Variants in TXLNA observed in about 807,000 individuals in gnomAD.
TXLNA encodes alpha-taxilin.
TXLNA carries 9 observed loss-of-function variants against 61.4 expected under a neutral mutation model. The observed-to-expected ratio is 0.15, with a 90% CI of 0.09 to 0.26. TXLNA has a LOEUF of 0.26. Ranked by LOEUF, TXLNA falls within the 10% of genes least tolerant of loss-of-function variation. The probability of loss-of-function intolerance (pLI) is 1.00; values close to 1 mark genes in which losing one functional copy is unlikely to be tolerated. For missense variants in TXLNA, 565 were observed against 688.8 expected (o/e 0.82, Z 2.01); for synonymous variants, 257 against 267.7 (o/e 0.96, Z 0.39).
chr1:32,190,077 GGGA>G lies in TXLNA; in HGVS notation c.802_804del (p.Glu268del), dbSNP rs773452837. ...CAGGAAGAAGGTGTGCAGCGGGCCC[GGGA>G]GGAGGAGGAGAAGCGCAAGGAGGTG... On this transcript the variant is annotated inframe_deletion, in exon 6 of 11. Coordinates refer to ENST00000373610, the MANE Select transcript of TXLNA (RefSeq NM_175852.4). 1.9e-5 allele frequency: 30 copies of G among 1,581,852 alleles called. No individual in the cohort carries two copies. Among genetic ancestry groups the G allele is most frequent in the South Asian group, 2.3e-5 (2 of 86,412 alleles).
intron 4 of TXLNA, 112 bp downstream of exon 4, chr1:32,184,728 T>G: frequency 1.5e-6 from 1 of 647,984 alleles, no homozygotes; most frequent in Non-Finnish European, 2.7e-6. Flanking sequence ...TGTTCAGCTT[T>G]TCTCTGAACT....
At position 32,190,097 on chromosome 1, in the gene TXLNA, A is replaced by C. The variant is rs1465831584; in HGVS notation, c.811A>C (p.Lys271Gln). The C allele has an allele frequency of 6.3e-7, 1 of 1,591,210 alleles. No homozygotes were observed. Among genetic ancestry groups the C allele is most frequent in the South Asian group, 1.1e-5 (1 of 87,252 alleles). Reference protein sequence around the residue: ...QRAREEEEKRKEVTSHFQVTL... With the variant: ...QRAREEEEKRQEVTSHFQVTL... ...GGCCCGGGAGGAGGAGGAGAAGCGC[A>C]AGGAGGTGACCTCGCACTTCCAGGT... Residue 271 changes from lysine (K) to glutamine (Q), a missense_variant, in exon 6 of 11, where the codon AAG becomes CAG. By Grantham distance (53) the Lys-to-Gln change is moderately conservative. Around this residue, in one of 2 missense-constraint regions of TXLNA, gnomAD observed 373 missense variants for 504.0 expected, o/e 0.74. Coordinates refer to ENST00000373610, the MANE Select transcript of TXLNA (RefSeq NM_175852.4).
Position 32,195,975 on chromosome 1 carries a change from T to A in TXLNA, c.*780T>A, listed in dbSNP as rs1417608830. The A allele has an allele frequency of 5.2e-6, 1 of 191,902 alleles. No homozygotes were observed. The highest frequency in any genetic ancestry group is 1.1e-5 in the Non-Finnish European group (1 of 94,542). 11.9% of individuals were successfully genotyped at this position (191,902 alleles called of 1,614,324 possible). On this transcript the variant is annotated 3_prime_UTR_variant, in exon 11 of 11. Coordinates refer to ENST00000373610, the MANE Select transcript of TXLNA (RefSeq NM_175852.4). ...AAGGTGTTTTTTTCTTTATTTCTTT[T>A]TCTTTTTTTTTTTTTTTCTTTTTCT...
At position 32,196,466 on chromosome 1, in the gene TXLNA, ATGAAAT is replaced by A. The variant is rs1643027135; in HGVS notation, c.*1276_*1281del. 1 of 152,174 alleles carries A rather than the reference ATGAAAT, an allele frequency of 6.6e-6. No individual in the cohort carries two copies. The highest frequency in any genetic ancestry group is 2.4e-5 in the African/African-American group (1 of 41,436). The allele number at this position is 152,174 out of a possible 1,614,324, so 9.4% of individuals were successfully genotyped here. Reference sequence around the variant, plus strand: ...ATAGCTGTTGTCTAACAGGTAAGAAATGAAATTGAACTATTGACTGGGCCCCAGAAA... The same window carrying A: ...ATAGCTGTTGTCTAACAGGTAAGAAATGAACTATTGACTGGGCCCCAGAAA... On this transcript the variant is annotated 3_prime_UTR_variant, in exon 11 of 11. Transcript: ENST00000373610.
chr1:32,190,531 A>G (rs1190830284), intron 6 of TXLNA, among the ~76,000 whole-genome samples: 3 of 152,172 alleles, frequency 2.0e-5, no homozygotes, highest in African/African-American at 7.2e-5. Context: ...ATGGAGGTAC[A>G]TGTATGGACT....
At chr1:32,191,166 A>T (rs982490836) in intron 6 of TXLNA, among the ~76,000 whole-genome samples, 1 of 151,490 alleles carries the variant, frequency 6.6e-6, no homozygotes, top group African/African-American at 2.4e-5. Context: ...AGGCACTTGA[A>T]TCTTTGGATC....
chr1:32,184,675 G>A (rs1300851796), intron 4 of TXLNA, 59 bp downstream of exon 4: 7 of 1,249,258 alleles, frequency 5.6e-6, no homozygotes, highest in Non-Finnish European at 8.1e-6. Flanking sequence ...ATGCCACCTG[G>A]TGTAAGGTTG....
chr1:32,194,041 C>A (rs1338083162), intron 9 of TXLNA, 24 bp from the exon 10 acceptor site: 1 of 1,599,846 alleles, frequency 6.3e-7, no homozygotes, highest in Admixed American at 1.7e-5. Context: ...CTGACCATTT[C>A]CTTCTGTCTG....
At chr1:32,193,433 C>T in intron 9 of TXLNA, 133 bp downstream of exon 9, 1 of 689,338 alleles carries the variant, frequency 1.5e-6, no homozygotes, top group Non-Finnish European at 2.6e-6. Context: ...CACAGCCTTT[C>T]CCCTCTTGAG....
chr1:32,195,421 T>G lies in TXLNA; in HGVS notation c.*226T>G. On this transcript the variant is annotated 3_prime_UTR_variant, in exon 11 of 11. Coordinates refer to ENST00000373610, the MANE Select transcript of TXLNA (RefSeq NM_175852.4). ...CCTGTAAGTGTACAGTGGGCTTGCA[T>G]TGGGGATGGGGGTGTGTACAGATGA... 1.7e-6 allele frequency: 1 copy of G among 587,642 alleles called. No homozygotes were observed. The highest frequency in any genetic ancestry group is 3.0e-6 in the Non-Finnish European group (1 of 331,288). The allele number at this position is 587,642 out of a possible 1,614,324, so 36.4% of individuals were successfully genotyped here. A position where few individuals can be genotyped will look rare whatever the true frequency, so the allele number is the denominator to read the frequency against.
Position 32,192,235 on chromosome 1 carries a change from C to G in TXLNA, c.964-76C>G, listed in dbSNP as rs1437149430. 1 of 1,581,152 alleles carries G rather than the reference C, an allele frequency of 6.3e-7. No homozygotes were observed. The highest frequency in any genetic ancestry group is 8.6e-7 in the Non-Finnish European group (1 of 1,159,030). On this transcript the variant is annotated intron_variant, in intron 6 of 10. Coordinates refer to ENST00000373610, the MANE Select transcript of TXLNA (RefSeq NM_175852.4). This position sits in a 1 kb window ranked among gnomAD's most constrained non-coding sequence, Gnocchi z 4.2. ...GAGATGGGGGGCTGGGCAAAGTGCC[C>G]TGGTCTGTGGCTGTGGGGCTACCCT...
intron 9 of TXLNA, among the ~76,000 whole-genome samples, chr1:32,193,740 A>G (rs1349508455): frequency 6.6e-6 from 1 of 150,784 alleles, no homozygotes; most frequent in African/African-American, 2.4e-5. Flanking sequence ...TATTTTTAGT[A>G]GAGACGGGGT....
In TXLNA at chr1:32,181,532, C is replaced by G. The variant is rs56283088; in HGVS notation, c.460C>G (p.Arg154Gly). 3.3e-3 allele frequency: 5,193 copies of G among 1,580,018 alleles called. 17 individuals carry two copies. The highest frequency in any genetic ancestry group is 3.7e-3 in the Non-Finnish European group (4,287 of 1,162,132). The change falls in exon 3 of 11, where the codon CGA (arginine) becomes GGA (glycine). Residue 154 changes from arginine (R) to glycine (G), a missense_variant. Coordinates refer to ENST00000373610, the MANE Select transcript of TXLNA (RefSeq NM_175852.4). ...EIRQSDEVGD[R>G]DHRRPQEKKK... ...CCGGCAGAGTGACGAGGTCGGAGACCGAGACCATCGAAGGCCACAGGAGAA... is the reference window on the plus strand; with the variant it reads ...CCGGCAGAGTGACGAGGTCGGAGACGGAGACCATCGAAGGCCACAGGAGAA...
At chr1:32,183,869 T>C (rs1211510890) in intron 3 of TXLNA, among the ~76,000 whole-genome samples, 1 of 152,048 alleles carries the variant, frequency 6.6e-6, no homozygotes, top group Non-Finnish European at 1.5e-5. Context: ...CCGGAGTAAC[T>C]GGGACTACAG....
In TXLNA at chr1:32,193,203, C is replaced by A. The variant is rs767993753; in HGVS notation, c.1159-5C>A. 1 of 1,612,332 alleles carries A rather than the reference C, an allele frequency of 6.2e-7. No homozygotes were observed. Among genetic ancestry groups the A allele is most frequent in the African/African-American group, 1.3e-5 (1 of 74,808 alleles). On this transcript the variant is annotated splice_polypyrimidine_tract_variant and splice_region_variant and intron_variant, in intron 8 of 10. Transcript: ENST00000373610. ...TCTTATCTGTGGGCTGCTTTCTCCC[C>A]ACAGCTTGCCCTATACACAGAGAAG...
intron 2 of TXLNA, 33 bp from the exon 3 acceptor site, chr1:32,181,209 T>C (rs1642648157): frequency 6.7e-7 from 1 of 1,494,178 alleles, no homozygotes; most frequent in East Asian, 2.3e-5. Context: ...TCGTCTTCTT[T>C]CTCACTCTAC....
chr1:32,187,559 G>A (rs974052899), intron 4 of TXLNA, among the ~76,000 whole-genome samples: 5 of 152,184 alleles, frequency 3.3e-5, no homozygotes, highest in African/African-American at 7.2e-5. Flanking sequence ...GCGAGGGAGC[G>A]ATGGGGGTCT....
rs146687999 is a variant in TXLNA, at chr1:32,192,408, G to A, written c.1061G>A (p.Arg354Gln). 1.3e-4 allele frequency: 216 copies of A among 1,614,092 alleles called. No homozygotes were observed. In the African/African-American group the frequency reaches 1.5e-3, roughly 11 times the overall value. The change falls in exon 7 of 11, where the codon CGG becomes CAG. Residue 354 changes from arginine (R) to glutamine (Q), a missense_variant. This residue lies in a region of TXLNA where 373 missense variants were observed against 504.0 expected (regional missense o/e 0.74). Coordinates refer to ENST00000373610, the MANE Select transcript of TXLNA (RefSeq NM_175852.4). The surrounding 1 kb of genome is among the most constrained non-coding windows in gnomAD (Gnocchi z 4.2). ...GAGATGCTAAAGGAGGCAGAAGAGC[G>A]GCACCAGCGGGAGAAGGATTTTGTG... ...AQEMLKEAEE[R>Q]HQREKDFLLK...
At position 32,196,301 on chromosome 1, in the gene TXLNA, G is replaced by C. The variant is rs1298117717; in HGVS notation, c.*1106G>C. On this transcript the variant is annotated 3_prime_UTR_variant, in exon 11 of 11. Coordinates refer to ENST00000373610, the MANE Select transcript of TXLNA (RefSeq NM_175852.4). The stretch of plus-strand genomic sequence containing the variant: ...CAGCAGTTGCTGGGTCCCATGTCCA[G>C]CTGCCTCTTTGGCTTCATGGGTTTT... 1 of 152,492 alleles carries C rather than the reference G, an allele frequency of 6.6e-6. No homozygotes were observed. The highest frequency in any genetic ancestry group is 1.9e-4 in the East Asian group (1 of 5,206). The allele number at this position is 152,492 out of a possible 1,614,324, so 9.4% of individuals were successfully genotyped here. A position where few individuals can be genotyped will look rare whatever the true frequency, so the allele number is the denominator to read the frequency against.
Sources: allele counts gnomAD v4.1 joint callset (sites outside exome capture counted in the v4.1 genomes callset), GRCh38; gene constraint gnomAD v4.1.1; regional missense constraint gnomAD v4.1.1; non-coding constraint Gnocchi (gnomAD v3.1); transcripts MANE v1.5; gene names NCBI Gene and HGNC (gene_info 2026-07-23, HGNC 2026-07-21).